The following IL21R variants were observed in gnomAD, a reference collection of about 807,000 sequenced individuals.
The protein encoded by IL21R is interleukin 21 receptor.
Under a neutral mutation model 41.3 loss-of-function variants are expected in IL21R, and 14 were observed. The observed-to-expected ratio is 0.34, with a 90% CI of 0.22 to 0.53. IL21R has a LOEUF of 0.53. Ranked by LOEUF, IL21R falls within the 20% of genes least tolerant of loss-of-function variation. The pLI, the probability that IL21R is intolerant of heterozygous loss-of-function variation, is 0.94. For synonymous variants in IL21R, 286 were observed against 287.6 expected (o/e 0.99, Z 0.05); for missense variants, 588 against 681.6 (o/e 0.86, Z 1.53).
chr16:27,435,105 A>C (rs1299803052), intron 3 of IL21R, among the ~76,000 whole-genome samples: 1 of 152,124 alleles, frequency 6.6e-6, no homozygotes, highest in Non-Finnish European at 1.5e-5. Flanking sequence ...TCTACAAAAA[A>C]TAAATCAGTC....
intron 1 of IL21R, among the ~76,000 whole-genome samples, chr16:27,424,225 C>T (rs2087041021): frequency 6.6e-6 from 1 of 152,118 alleles, no homozygotes; most frequent in Non-Finnish European, 1.5e-5. Flanking sequence ...CAGGTGCCCA[C>T]CACCACACCT....
chr16:27,425,655 A>C (rs886221478), intron 1 of IL21R, among the ~76,000 whole-genome samples: 1 of 151,782 alleles, frequency 6.6e-6, no homozygotes, highest in African/African-American at 2.4e-5. Flanking sequence ...TCCTGGGTTC[A>C]AGCAATTCTC....
chr16:27,407,999 T>C (rs887359266), intron 1 of IL21R, among the ~76,000 whole-genome samples: 1 of 152,248 alleles, frequency 6.6e-6, no homozygotes, highest in Non-Finnish European at 1.5e-5. Flanking sequence ...TTCGTTTCCA[T>C]AGAAAGCATT....
In IL21R at chr16:27,418,330, A is replaced by G. The variant is rs1288778838; in HGVS notation, c.-16-11726A>G. Among the ~76,000 whole-genome samples the G allele has an allele frequency of 7.9e-5, 12 of 150,986 alleles. No homozygotes were observed. The East Asian group carries it at 2.4e-3, about 30-fold the overall frequency. ...TGATCTGCCCGTCTCGCCCTTCCAA[A>G]GCGCTGGGATTACAGGCGTAAGCTA... On this transcript the variant is annotated intron_variant, in intron 1 of 8. Coordinates refer to ENST00000337929, the MANE Select transcript of IL21R (RefSeq NM_181078.3).
intron 3 of IL21R, among the ~76,000 whole-genome samples, chr16:27,435,432 CT>C (rs2087251787): frequency 6.6e-6 from 1 of 150,398 alleles, no homozygotes; most frequent in African/African-American, 2.4e-5. Flanking sequence ...GGTGCTTTCT[CT>C]TTTTTATTTT....
chr16:27,439,225 C>T (rs997377483), intron 4 of IL21R, among the ~76,000 whole-genome samples: 1 of 152,044 alleles, frequency 6.6e-6, no homozygotes, highest in East Asian at 1.9e-4. Context: ...CACAGACTCA[C>T]GCACACACAG....
chr16:27,435,464 A>ATT, intron 3 of IL21R, among the ~76,000 whole-genome samples: 1 of 151,122 alleles, frequency 6.6e-6, no homozygotes, highest in Non-Finnish European at 1.5e-5. Context: ...ATTTTATTTT[A>ATT]TTTTTTTGAG....
chr16:27,415,507 G>A (rs138031871), intron 1 of IL21R, among the ~76,000 whole-genome samples: 245 of 152,320 alleles, frequency 1.6e-3, no homozygotes, highest in African/African-American at 5.5e-3. Context: ...TTTGCTTGTT[G>A]ACTTTCTGGA....
intron 1 of IL21R, among the ~76,000 whole-genome samples, chr16:27,421,973 A>G (rs972503940): frequency 6.6e-6 from 1 of 152,122 alleles, no homozygotes; most frequent in African/African-American, 2.4e-5. Flanking sequence ...TTTCTTTACC[A>G]TTAAGTATGA....
intron 1 of IL21R, among the ~76,000 whole-genome samples, chr16:27,412,246 T>C (rs1243118042): frequency 6.6e-6 from 1 of 152,196 alleles, no homozygotes; most frequent in Non-Finnish European, 1.5e-5. Flanking sequence ...TTTGACTATA[T>C]ACACAAGGGT....
chr16:27,403,430 C>A (rs1015025941), intron 1 of IL21R, among the ~76,000 whole-genome samples: 1 of 152,080 alleles, frequency 6.6e-6, no homozygotes, highest in Non-Finnish European at 1.5e-5. Context: ...GAGGCTGCTG[C>A]GAGGAGGACA....
rs758462314 is a variant in IL21R, at chr16:27,444,576, G to C, written c.542G>C (p.Arg181Thr). 4.5e-6 allele frequency: 7 copies of C among 1,561,768 alleles called. No individual in the cohort carries two copies. In the Admixed American group the frequency reaches 1.3e-4, roughly 29 times the overall value. ...AGAAAGCTGATCTCAGTGGACTCAAGAAGTGTCTCCCTCCTCCCCCTGGAG... is the reference window on the plus strand; with the variant it reads ...AGAAAGCTGATCTCAGTGGACTCAACAAGTGTCTCCCTCCTCCCCCTGGAG... ...PRRKLISVDS[R>T]SVSLLPLEFR... Residue 181 changes from arginine to threonine, a missense_variant, in exon 6 of 9, where the codon AGA becomes ACA. Arg to Thr is a moderately conservative substitution (Grantham distance 71). Transcript: ENST00000337929.
intron 2 of IL21R, among the ~76,000 whole-genome samples, chr16:27,433,547 GC>G (rs2141288807): frequency 6.6e-6 from 1 of 152,256 alleles, no homozygotes; most frequent in East Asian, 1.9e-4. Flanking sequence ...ACAAAACAAA[GC>G]TACAAATTAT....
intron 7 of IL21R, 51 bp from the exon 8 acceptor site, chr16:27,445,956 C>A: frequency 6.8e-7 from 1 of 1,469,774 alleles, no homozygotes; most frequent in Non-Finnish European, 9.4e-7. Context: ...AATGGGAGGC[C>A]AGGCTGCCCT....
Position 27,449,458 on chromosome 16 carries a change from ATG to A in IL21R, c.*193_*194del, listed in dbSNP as rs35044665. The A allele has an allele frequency of 6.6e-3, 3,766 of 568,560 alleles. No homozygotes were observed. The highest frequency in any genetic ancestry group is 0.015 in the South Asian group (666 of 44,170). The allele number at this position is 568,560 out of a possible 1,614,324, so 35.2% of individuals were successfully genotyped here. ...TGCATATGTGTGTGTGTGCATATGCATGTGTGTGTGTGTGTGTGTCTTAGGTG... is the reference window on the plus strand; with the variant it reads ...TGCATATGTGTGTGTGTGCATATGCATGTGTGTGTGTGTGTGTCTTAGGTG... On this transcript the variant is annotated 3_prime_UTR_variant, in exon 9 of 9. Transcript: ENST00000337929.
At chr16:27,429,312 G>C (rs1282002549) in intron 1 of IL21R, among the ~76,000 whole-genome samples, 1 of 152,144 alleles carries the variant, frequency 6.6e-6, no homozygotes, top group Non-Finnish European at 1.5e-5. Flanking sequence ...CTCCTCAGCA[G>C]ATCCCCCTTT....
chr16:27,419,707 C>T (rs760308435), intron 1 of IL21R, among the ~76,000 whole-genome samples: 1 of 151,984 alleles, frequency 6.6e-6, no homozygotes, highest in Admixed American at 6.6e-5. Flanking sequence ...GGATTACAGG[C>T]GTAAGCCACT....
chr16:27,414,489 G>C (rs1220463936), intron 1 of IL21R, among the ~76,000 whole-genome samples: 1 of 151,908 alleles, frequency 6.6e-6, no homozygotes, highest in East Asian at 1.9e-4. Flanking sequence ...TTATGGGAAA[G>C]ATTGACCTGT....
Position 27,450,999 on chromosome 16 carries a change from A to C in IL21R, c.*1716A>C. Reference sequence around the variant, plus strand: ...ATGAGAGTCCTCGGTGCCTGGCAGGAGGCTGGAAGGTTCTAGAACACTGAT... The same window carrying C: ...ATGAGAGTCCTCGGTGCCTGGCAGGCGGCTGGAAGGTTCTAGAACACTGAT... On this transcript the variant is annotated 3_prime_UTR_variant, in exon 9 of 9. Coordinates refer to ENST00000337929, the MANE Select transcript of IL21R (RefSeq NM_181078.3). 1 of 230,622 alleles carries C rather than the reference A, an allele frequency of 4.3e-6. No individual in the cohort carries two copies. Among genetic ancestry groups the C allele is most frequent in the East Asian group, 6.0e-5 (1 of 16,584 alleles). 14.3% of individuals were successfully genotyped at this position (230,622 alleles called of 1,614,324 possible).
Sources: allele counts gnomAD v4.1 joint callset (sites outside exome capture counted in the v4.1 genomes callset), GRCh38; gene constraint gnomAD v4.1.1; transcripts MANE v1.5; gene names NCBI Gene and HGNC (gene_info 2026-07-23, HGNC 2026-07-21).